CDKN2A: variants seen among roughly 807,000 people sequenced by gnomAD.
The protein encoded by CDKN2A is cyclin dependent kinase inhibitor 2A.
A neutral mutation model predicts 11.1 loss-of-function variants in CDKN2A; 3 were observed. The ratio of observed to expected loss-of-function variants is 0.27; its 90% CI spans 0.12 to 0.70. The LOEUF (loss-of-function observed/expected upper bound fraction) is 0.70. Among genes scored for constraint, CDKN2A ranks in the 30% least tolerant of loss-of-function variants. The pLI, the probability that CDKN2A is intolerant of heterozygous loss-of-function variation, is 0.77. For missense variants in CDKN2A, 265 were observed against 233.6 expected (o/e 1.13, Z -0.88); for synonymous variants, 122 against 108.1 (o/e 1.13, Z -0.80).
Position 21,991,921 on chromosome 9 carries a change from T to C in CDKN2A, c.-4+1961A>G. 1.0e-6 allele frequency: 1 copy of C among 985,022 alleles called. No homozygotes were observed. The highest frequency in any genetic ancestry group is 1.2e-6 in the Non-Finnish European group (1 of 829,610). 61.0% of individuals were successfully genotyped at this position (985,022 alleles called of 1,614,324 possible). A position where few individuals can be genotyped will look rare whatever the true frequency, so the allele number is the denominator to read the frequency against. On this transcript the variant is annotated intron_variant, in intron 2 of 3. Transcript: ENST00000494262. The surrounding 1 kb of genome is among the most constrained non-coding windows in gnomAD (Gnocchi z 5.2). ...GACTCTGTGCTATTAAAGAAAAAAA[T>C]AACCTGAGCCTTCTGAAGTAGCTAT...
intron 2 of CDKN2A, among the ~76,000 whole-genome samples, chr9:21,986,102 T>C (rs1170634261): frequency 6.6e-6 from 1 of 152,040 alleles, no homozygotes; most frequent in African/African-American, 2.4e-5. Context: ...GATGAGAACA[T>C]GAAAGCACTG....
At chr9:21,975,229 G>A, upstream of CDKN2A, 1 of 984,520 alleles carries the variant, frequency 1.0e-6, no homozygotes, top group Non-Finnish European at 1.2e-6. Flanking sequence ...GCGCTCCCCC[G>A]CCTGCCAGCA....
Position 21,967,834 on chromosome 9 carries a change from G to C in CDKN2A, c.*395C>G. On this transcript the variant is annotated 3_prime_UTR_variant, in exon 3 of 3. Coordinates refer to ENST00000304494, the MANE Select transcript of CDKN2A (RefSeq NM_000077.5). ...TAGCAGTGTGACTCAAGAGAAGCCA[G>C]TAACCCCCCTGAGCTTCCCTAGTTC... 1 of 321,004 alleles carries C rather than the reference G, an allele frequency of 3.1e-6. No homozygotes were observed. Among genetic ancestry groups the C allele is most frequent in the Non-Finnish European group, 5.8e-6 (1 of 172,506 alleles). The allele number at this position is 321,004 out of a possible 1,614,324, so 19.9% of individuals were successfully genotyped here.
intron 2 of CDKN2A, among the ~76,000 whole-genome samples, chr9:21,969,259 G>T (rs1041239321): frequency 6.6e-6 from 1 of 152,166 alleles, no homozygotes; most frequent in African/African-American, 2.4e-5. Context: ...GTCGTGGCGT[G>T]CACCTGTGGT....
intron 2 of CDKN2A, among the ~76,000 whole-genome samples, chr9:21,983,786 C>T (rs777440996): frequency 1.3e-4 from 20 of 152,048 alleles, no homozygotes; most frequent in Middle Eastern, 3.4e-3. Context: ...ATGTGGGTGG[C>T]GGGAAATGCC....
Position 21,968,457 on chromosome 9 carries a change from C to G in CDKN2A, c.458-215G>C. On this transcript the variant is annotated intron_variant, in intron 2 of 2. Coordinates refer to ENST00000304494, the MANE Select transcript of CDKN2A (RefSeq NM_000077.5). The surrounding 1 kb of genome is among the most constrained non-coding windows in gnomAD (Gnocchi z 4.7). The stretch of plus-strand genomic sequence containing the variant: ...TGCCCGCCTGGCTGCTCCAGGCGCG[C>G]CGACCGCTCAAGCGCTCCAGGTCCA... 6.7e-7 allele frequency: 1 copy of G among 1,486,278 alleles called. No homozygotes were observed. The highest frequency in any genetic ancestry group is 8.9e-7 in the Non-Finnish European group (1 of 1,122,150). 92.1% of individuals were successfully genotyped at this position (1,486,278 alleles called of 1,614,324 possible).
intron 2 of CDKN2A, among the ~76,000 whole-genome samples, chr9:21,969,199 A>G (rs1245139353): frequency 6.6e-6 from 1 of 152,174 alleles, no homozygotes; most frequent in Non-Finnish European, 1.5e-5. Flanking sequence ...TTGAGCCCAG[A>G]TAACATGGTG....
intron 2 of CDKN2A, among the ~76,000 whole-genome samples, chr9:21,969,307 G>T (rs1473028611): frequency 6.6e-6 from 1 of 152,092 alleles, no homozygotes; most frequent in African/African-American, 2.4e-5. Flanking sequence ...AGAACCCCTT[G>T]AGCCAGGGAG....
At chr9:21,979,548 G>T (rs1462274120), upstream of CDKN2A, among the ~76,000 whole-genome samples, 1 of 152,204 alleles carries the variant, frequency 6.6e-6, no homozygotes, top group East Asian at 1.9e-4. Context: ...TACAGCGGTG[G>T]TTATAGATTT....
At chr9:21,983,254 T>C (rs889707734) in intron 2 of CDKN2A, among the ~76,000 whole-genome samples, 1 of 152,094 alleles carries the variant, frequency 6.6e-6, no homozygotes, top group Non-Finnish European at 1.5e-5. Flanking sequence ...TATTTAAAAA[T>C]AATTAAGGAA....
intron 2 of CDKN2A, among the ~76,000 whole-genome samples, chr9:21,982,125 T>A (rs1253267373): frequency 6.6e-6 from 1 of 152,214 alleles, no homozygotes; most frequent in Non-Finnish European, 1.5e-5. Flanking sequence ...GTAAAATTTA[T>A]CTTCCTACTC....
rs768273438 is a variant in CDKN2A at position 21,988,618 on chromosome 9, G to C, written c.-4+5264C>G. Among the ~76,000 whole-genome samples the C allele has an allele frequency of 2.0e-5, 3 of 152,142 alleles. No individual in the cohort carries two copies. The highest frequency in any genetic ancestry group is 7.2e-5 in the African/African-American group (3 of 41,420). On this transcript the variant is annotated intron_variant, in intron 2 of 3. Transcript: ENST00000494262. This position sits in a 1 kb window ranked among gnomAD's most constrained non-coding sequence, Gnocchi z 4.1. ...CTACTAGATGGAGGAGAAAGGGAAT[G>C]AGCGAGGGCTGAAATACTACCTACT... is the stretch of plus-strand genomic sequence containing the variant.
chr9:21,978,628 C>A (rs1820097871), upstream of CDKN2A, among the ~76,000 whole-genome samples: 1 of 152,144 alleles, frequency 6.6e-6, no homozygotes, highest in African/African-American at 2.4e-5. Flanking sequence ...GAATGCCATT[C>A]TTTTTTTAGA....
intron 2 of CDKN2A, among the ~76,000 whole-genome samples, chr9:21,980,890 C>T (rs1370701408): frequency 2.1e-5 from 3 of 140,614 alleles, no homozygotes; most frequent in Admixed American, 7.1e-5. Flanking sequence ...ACCCGGGGGG[C>T]GGAGCTTGCA....
rs775558394 is a variant in CDKN2A, at chr9:21,974,426, C to G, written c.150+252G>C. 2 of 1,607,448 alleles carry G rather than the reference C, an allele frequency of 1.2e-6. No individual in the cohort carries two copies. Among genetic ancestry groups the G allele is most frequent in the Non-Finnish European group, 1.7e-6 (2 of 1,176,236 alleles). On this transcript the variant is annotated intron_variant, in intron 1 of 2. Transcript: ENST00000304494. The surrounding 1 kb of genome is among the most constrained non-coding windows in gnomAD (Gnocchi z 5.2). ...TACTTCCATCTAATACAAATATGTT[C>G]CCCCCTTCAGATCTTCTCAGCATTC...
rs755927351 is a variant in CDKN2A, at chr9:21,970,968, G to A, written c.391C>T (p.Arg131Cys). Residue 131 changes from arginine (R) to cysteine (C), a missense_variant, in exon 2 of 3, where the codon CGC becomes TGC. By Grantham distance (180) the Arg-to-Cys change is radical. Transcript: ENST00000304494. ...LGHRDVARYL[R>C]AAAGGTRGSN... ...CCTCTGGTGCCCCCCGCAGCCGCGCGCAGGTACCGTGCGACATCGCGATGG... is the reference window on the plus strand; with the variant it reads ...CCTCTGGTGCCCCCCGCAGCCGCGCACAGGTACCGTGCGACATCGCGATGG... 6.2e-7 allele frequency: 1 copy of A among 1,611,490 alleles called. No individual in the cohort carries two copies. Among genetic ancestry groups the A allele is most frequent in the Non-Finnish European group, 8.5e-7 (1 of 1,180,018 alleles).
rs2131078719 is a variant in CDKN2A, at chr9:21,968,136, G to C, written c.*93C>G. ...TCTAAATGAAAACTACGAAAGCGGG[G>C]TGGGTTGTGGCGGGGGCAGTTGTGG... is the stretch of plus-strand genomic sequence containing the variant. On this transcript the variant is annotated 3_prime_UTR_variant, in exon 3 of 3. Transcript: ENST00000304494. The surrounding 1 kb of genome is among the most constrained non-coding windows in gnomAD (Gnocchi z 4.7). The C allele has an allele frequency of 1.9e-6, 2 of 1,060,290 alleles. No homozygotes were observed. The allele number at this position is 1,060,290 out of a possible 1,614,324, so 65.7% of individuals were successfully genotyped here.
intron 2 of CDKN2A, chr9:21,992,026 T>C (rs1820441363): frequency 1.0e-6 from 1 of 984,166 alleles, no homozygotes; most frequent in Admixed American, 6.1e-5. Context: ...AAATCAACTA[T>C]GGCAATTTTT....
intron 2 of CDKN2A, among the ~76,000 whole-genome samples, chr9:21,993,146 A>G (rs1820471925): frequency 1.3e-5 from 2 of 152,362 alleles, no homozygotes; most frequent in Admixed American, 1.3e-4. Flanking sequence ...GAAGCTATAT[A>G]TTCCTGGCGA....
Sources: allele counts gnomAD v4.1 joint callset (sites outside exome capture counted in the v4.1 genomes callset), GRCh38; gene constraint gnomAD v4.1.1; non-coding constraint Gnocchi (gnomAD v3.1); transcripts MANE v1.5; gene names NCBI Gene and HGNC (gene_info 2026-07-23, HGNC 2026-07-21).